Variants in ATP2A1 observed in about 807,000 individuals in gnomAD.
ATP2A1 encodes sarcoplasmic/endoplasmic reticulum calcium ATPase 1.
ATP2A1 carries 83 observed loss-of-function variants against 109.5 expected under a neutral mutation model. The observed-to-expected ratio is 0.76, with a 90% CI of 0.63 to 0.91. The LOEUF (loss-of-function observed/expected upper bound fraction) is 0.91. Among genes scored for constraint, ATP2A1 ranks in the 40% least tolerant of loss-of-function variants. The pLI is 0.00. For missense variants in ATP2A1, 1,101 were observed against 1,341.0 expected, an observed-to-expected ratio of 0.82 and a Z score of 2.80; for synonymous variants, 505 against 537.6, an observed-to-expected ratio of 0.94 and a Z score of 0.84.
At chr16:28,894,288 C>T (rs1314404196) in intron 10 of ATP2A1, 45 bp downstream of exon 10, 1 of 1,569,602 alleles carries the variant, frequency 6.4e-7, no homozygotes, top group Non-Finnish European at 8.8e-7. Flanking sequence ...ACGCCCCTTC[C>T]CACACCCCCT....
At chr16:28,894,446 T>C in intron 10 of ATP2A1, 59 bp from the exon 11 acceptor site, 1 of 1,530,980 alleles carries the variant, frequency 6.5e-7, no homozygotes, top group Non-Finnish European at 8.9e-7. Flanking sequence ...CCTCTCTGCA[T>C]CTCATTCCCT....
intron 9 of ATP2A1, among the ~76,000 whole-genome samples, chr16:28,892,160 T>G (rs1201312574): frequency 6.6e-6 from 1 of 152,214 alleles, no homozygotes; most frequent in Non-Finnish European, 1.5e-5. Context: ...GAGGAAAGTA[T>G]CTGTGATTAA....
At chr16:28,887,957 T>C (rs757203479) in intron 8 of ATP2A1, among the ~76,000 whole-genome samples, 49 of 152,302 alleles carry the variant, frequency 3.2e-4, no homozygotes, top group Admixed American at 1.2e-3. Context: ...CACGCCGCCA[T>C]GCCTGGCTAA....
chr16:28,894,467 A>G, intron 10 of ATP2A1, 38 bp from the exon 11 acceptor site: 1 of 1,588,066 alleles, frequency 6.3e-7, no homozygotes, highest in Non-Finnish European at 8.6e-7. Context: ...GTTCTTCTCC[A>G]CTGTCTCTGT....
At position 28,889,028 on chromosome 16, in the gene ATP2A1, G is replaced by A; in HGVS notation, c.1095+75G>A. 4 of 1,581,688 alleles carry A rather than the reference G, an allele frequency of 2.5e-6. No homozygotes were observed. The South Asian group carries it at 4.4e-5, about 18-fold the overall frequency. On this transcript the variant is annotated intron_variant, in intron 9 of 22. Transcript: ENST00000395503. Reference sequence around the variant, plus strand: ...GTTAAATGGGCCCTCCAAAGATAGAGGTCTCCCTTCATCACTGCTGGCTTC... The same window carrying A: ...GTTAAATGGGCCCTCCAAAGATAGAAGTCTCCCTTCATCACTGCTGGCTTC...
rs535491996 is a variant in ATP2A1, at chr16:28,888,159, A to G, written c.928+437A>G. 2.6e-4 allele frequency among the ~76,000 whole-genome samples: 40 copies of G among 151,730 alleles called. 1 individual carries two copies. The East Asian group carries it at 7.6e-3, about 29-fold the overall frequency. On this transcript the variant is annotated intron_variant, in intron 8 of 22. Transcript: ENST00000395503. ...GTGATTCTTCTGCCTCTGCCTCCCA[A>G]GTAGCTGGGATTACAGGTGCACGCC...
chr16:28,900,512 C>T lies in ATP2A1; in HGVS notation c.1765-69C>T, dbSNP rs527652167. 56 of 1,425,674 alleles carry T rather than the reference C, an allele frequency of 3.9e-5. 1 individual carries two copies. In the South Asian group the frequency reaches 7.2e-4, roughly 18 times the overall value. The allele number at this position is 1,425,674 out of a possible 1,614,324, so 88.3% of individuals were successfully genotyped here. A position where few individuals can be genotyped will look rare whatever the true frequency, so the allele number is the denominator to read the frequency against. Reference sequence around the variant, plus strand: ...GACCTTTCACCCCATCCCCACCCCCCACCAGCTTCCTCCAGGGGAGTTTTC... The same window carrying T: ...GACCTTTCACCCCATCCCCACCCCCTACCAGCTTCCTCCAGGGGAGTTTTC... On this transcript the variant is annotated intron_variant, in intron 14 of 22. Coordinates refer to ENST00000395503, the MANE Select transcript of ATP2A1 (RefSeq NM_004320.6).
In ATP2A1 at chr16:28,898,076, C is replaced by T. The variant is rs1401159744; in HGVS notation, c.1496C>T (p.Ser499Phe). ...RDRKSMSVYC[S>F]PAKSSRAAVG... ...AGAAAGTCCATGTCTGTCTATTGCT[C>T]CCCAGCCAAATCTTCCCGGGCTGCT... Residue 499 changes from serine to phenylalanine, a missense_variant, in exon 13 of 23, where the codon TCC (serine) becomes TTC (phenylalanine). Transcript: ENST00000395503. This position sits in a 1 kb window ranked among gnomAD's most constrained non-coding sequence, Gnocchi z 4.0. The T allele has an allele frequency of 6.2e-7, 1 of 1,614,132 alleles. No individual in the cohort carries two copies. Among genetic ancestry groups the T allele is most frequent in the Non-Finnish European group, 8.5e-7 (1 of 1,180,008 alleles).
chr16:28,900,538 C>T (rs1430795472), intron 14 of ATP2A1, 43 bp from the exon 15 acceptor site: 44 of 1,513,006 alleles, frequency 2.9e-5, no homozygotes, highest in Non-Finnish European at 3.9e-5. Context: ...GGGAGTTTTC[C>T]AGATCCCCAC....
intron 10 of ATP2A1, 104 bp from the exon 11 acceptor site, chr16:28,894,401 C>A: frequency 7.6e-7 from 1 of 1,315,330 alleles, no homozygotes; most frequent in South Asian, 1.2e-5. Flanking sequence ...TCCCCACTGT[C>A]CTTCCTTACC....
chr16:28,903,778 G>A lies in ATP2A1; in HGVS notation c.*37+37G>A, dbSNP rs1434007431. On this transcript the variant is annotated intron_variant, in intron 22 of 22. Transcript: ENST00000395503. The surrounding 1 kb of genome is among the most constrained non-coding windows in gnomAD (Gnocchi z 5.6). ...TTCTTGCCCTCAGCCCAGCTGCTGT[G>A]CCCCTGCCACCCGCGCCCCCTCAGC... 1 of 1,595,982 alleles carries A rather than the reference G, an allele frequency of 6.3e-7. No individual in the cohort carries two copies. Among genetic ancestry groups the A allele is most frequent in the Non-Finnish European group, 8.6e-7 (1 of 1,163,854 alleles).
Position 28,903,282 on chromosome 16 carries a change from TC to T in ATP2A1, c.2863-37del, listed in dbSNP as rs751312109. On this transcript the variant is annotated intron_variant, in intron 20 of 22. Transcript: ENST00000395503. This position sits in a 1 kb window ranked among gnomAD's most constrained non-coding sequence, Gnocchi z 5.6. ...TGGGCAGTGCTGGTCTCTGGCTCCC[TC>T]CCCACCCCCTCCTGAGAGGGCGCTT... is the stretch of plus-strand genomic sequence containing the variant. 3.8e-6 allele frequency: 6 copies of T among 1,587,720 alleles called. No individual in the cohort carries two copies. In the African/African-American group the frequency reaches 5.4e-5, roughly 14 times the overall value.
In ATP2A1 at chr16:28,903,702, T is replaced by C. The variant is rs1482021509; in HGVS notation, c.2983T>C (p.Ter995GlnextTer8). 1 of 1,613,428 alleles carries C rather than the reference T, an allele frequency of 6.2e-7. No individual in the cohort carries two copies. The highest frequency in any genetic ancestry group is 8.5e-7 in the Non-Finnish European group (1 of 1,179,620). The stretch of plus-strand genomic sequence containing the variant: ...CCTCTTGTCCTCTCTGGCCATAGGA[T>C]AACTGTTCCCCCTCCTCCATCTCTG... Reference protein sequence around the residue: ...KFVARNYLEG* With the variant: ...KFVARNYLEGQ Residue 995 changes from the stop codon to glutamine, a stop_lost and splice_region_variant, in exon 22 of 23, where the codon TAA (stop) becomes CAA (glutamine). Transcript: ENST00000395503. This position sits in a 1 kb window ranked among gnomAD's most constrained non-coding sequence, Gnocchi z 5.6.
chr16:28,899,839 A>G (rs1319089283), intron 14 of ATP2A1, among the ~76,000 whole-genome samples: 1 of 151,512 alleles, frequency 6.6e-6, no homozygotes, highest in African/African-American at 2.4e-5. Flanking sequence ...GCGCCCTTAT[A>G]ATCCCAGCTA....
rs1963452167 is a variant in ATP2A1 at position 28,880,907 on chromosome 16, C to T, written c.220-8C>T. 1 of 1,612,926 alleles carries T rather than the reference C, an allele frequency of 6.2e-7. No homozygotes were observed. Among genetic ancestry groups the T allele is most frequent in the Admixed American group, 1.7e-5 (1 of 60,024 alleles). ...TTACCTGTCATTCTCCTTTCCCCTG[C>T]TCCCCAGGTGCTGGCCTGGTTTGAG... On this transcript the variant is annotated splice_polypyrimidine_tract_variant and splice_region_variant and intron_variant, in intron 3 of 22. Coordinates refer to ENST00000395503, the MANE Select transcript of ATP2A1 (RefSeq NM_004320.6). This position sits in a 1 kb window ranked among gnomAD's most constrained non-coding sequence, Gnocchi z 4.2.
intron 6 of ATP2A1, among the ~76,000 whole-genome samples, chr16:28,885,873 C>G (rs1452672462): frequency 6.6e-6 from 1 of 152,000 alleles, no homozygotes; most frequent in Non-Finnish European, 1.5e-5. Flanking sequence ...CACTGAAAAC[C>G]ATGGCTGCTA....
At position 28,903,816 on chromosome 16, in the gene ATP2A1, G is replaced by A. The variant is rs1416684902; in HGVS notation, c.*37+75G>A. 22 of 1,343,512 alleles carry A rather than the reference G, an allele frequency of 1.6e-5. No homozygotes were observed. Among genetic ancestry groups the A allele is most frequent in the Admixed American group, 1.7e-5 (1 of 59,444 alleles). 83.2% of individuals were successfully genotyped at this position (1,343,512 alleles called of 1,614,324 possible). A position where few individuals can be genotyped will look rare whatever the true frequency, so the allele number is the denominator to read the frequency against. Reference sequence around the variant, plus strand: ...GCGCCCCCTCAGCCCCTTGCGCGTCGCATCCAAGGTCACTTGTGCTCGCAG... The same window carrying A: ...GCGCCCCCTCAGCCCCTTGCGCGTCACATCCAAGGTCACTTGTGCTCGCAG... On this transcript the variant is annotated intron_variant, in intron 22 of 22. Transcript: ENST00000395503. The surrounding 1 kb of genome is among the most constrained non-coding windows in gnomAD (Gnocchi z 5.6).
At chr16:28,884,913 A>T (rs1193190454) in intron 6 of ATP2A1, among the ~76,000 whole-genome samples, 2 of 152,126 alleles carry the variant, frequency 1.3e-5, no homozygotes, top group South Asian at 2.1e-4. Flanking sequence ...ACACCACTGC[A>T]CTCCATCCTG....
intron 15 of ATP2A1, among the ~76,000 whole-genome samples, chr16:28,901,619 TGA>T (rs893395086): frequency 1.3e-5 from 2 of 151,440 alleles, no homozygotes; most frequent in African/African-American, 4.9e-5. Context: ...GGCGACAGAG[TGA>T]GACTCCGTCT....
Sources: allele counts gnomAD v4.1 joint callset (sites outside exome capture counted in the v4.1 genomes callset), GRCh38; gene constraint gnomAD v4.1.1; non-coding constraint Gnocchi (gnomAD v3.1); transcripts MANE v1.5; gene names NCBI Gene and HGNC (gene_info 2026-07-23, HGNC 2026-07-21).